SPIDR: variants seen among roughly 807,000 people sequenced by gnomAD.
SPIDR encodes DNA repair-scaffolding protein.
Under a neutral mutation model 104.6 loss-of-function variants are expected in SPIDR, and 93 were observed. That is an observed-to-expected ratio of 0.89 (90% CI 0.75 to 1.06). The LOEUF is 1.06. Among genes scored for constraint, SPIDR ranks in the 50% least tolerant of loss-of-function variants. The probability of loss-of-function intolerance (pLI) is 0.00; values close to 1 mark genes in which losing one functional copy is unlikely to be tolerated. For synonymous variants in SPIDR, 431 were observed against 416.9 expected, an observed-to-expected ratio of 1.03 and a Z score of -0.41; for missense variants, 1,154 against 1,111.2, an observed-to-expected ratio of 1.04 and a Z score of -0.55.
At chr8:47,614,704 G>A (rs557471712) in intron 10 of SPIDR, among the ~76,000 whole-genome samples, 1 of 152,022 alleles carries the variant, frequency 6.6e-6, no homozygotes, top group Non-Finnish European at 1.5e-5. Flanking sequence ...TATTCCTTTG[G>A]GTGTATACCC....
chr8:47,522,599 G>T (rs554560999), intron 8 of SPIDR, among the ~76,000 whole-genome samples: 2 of 152,242 alleles, frequency 1.3e-5, no homozygotes, highest in South Asian at 4.1e-4. Flanking sequence ...GTTGGTTAGG[G>T]TTCAAATGTG....
intron 1 of SPIDR, among the ~76,000 whole-genome samples, chr8:47,268,271 A>T (rs1358142031): frequency 6.6e-6 from 1 of 152,064 alleles, no homozygotes; most frequent in Non-Finnish European, 1.5e-5. Flanking sequence ...TAGAAGTGTG[A>T]GTTTCTGACT....
chr8:47,306,672 T>C (rs2043144276), intron 5 of SPIDR, among the ~76,000 whole-genome samples: 1 of 152,224 alleles, frequency 6.6e-6, no homozygotes, highest in African/African-American at 2.4e-5. Flanking sequence ...GGTTATTCTA[T>C]CCACTATTGA....
chr8:47,507,373 C>A (rs1395934786), intron 8 of SPIDR, among the ~76,000 whole-genome samples: 1 of 152,244 alleles, frequency 6.6e-6, no homozygotes, highest in Non-Finnish European at 1.5e-5. Context: ...TCTGGGCAGA[C>A]TGGACCCAAG....
At chr8:47,655,468 A>C (rs1588883109) in intron 10 of SPIDR, among the ~76,000 whole-genome samples, 1 of 152,314 alleles carries the variant, frequency 6.6e-6, no homozygotes, top group South Asian at 2.1e-4. Flanking sequence ...TATTTCTCTG[A>C]TGGCCAGTGA....
intron 5 of SPIDR, among the ~76,000 whole-genome samples, chr8:47,346,445 C>T (rs1203209844): frequency 7.9e-5 from 12 of 152,158 alleles, no homozygotes; most frequent in Non-Finnish European, 1.6e-4. Context: ...TGATGTGTCT[C>T]TGCCAGGCTT....
At chr8:47,298,019 T>C (rs1329493369) in intron 5 of SPIDR, among the ~76,000 whole-genome samples, 1 of 152,226 alleles carries the variant, frequency 6.6e-6, no homozygotes, top group Non-Finnish European at 1.5e-5. Context: ...TCTAGATCCC[T>C]GAGGAATCGC....
chr8:47,353,246 T>C (rs2053900526), intron 5 of SPIDR, among the ~76,000 whole-genome samples: 1 of 152,170 alleles, frequency 6.6e-6, no homozygotes, highest in Non-Finnish European at 1.5e-5. Context: ...CGCCAGATTG[T>C]ATTTTACTTA....
intron 7 of SPIDR, among the ~76,000 whole-genome samples, chr8:47,433,776 G>C (rs1336743362): frequency 1.3e-5 from 2 of 152,202 alleles, no homozygotes; most frequent in Non-Finnish European, 2.9e-5. Context: ...CTTGGAGTCA[G>C]ACTATGGCTG....
chr8:47,267,125 T>A (rs1291042933), intron 1 of SPIDR, among the ~76,000 whole-genome samples: 4 of 152,212 alleles, frequency 2.6e-5, no homozygotes, highest in Non-Finnish European at 5.9e-5. Flanking sequence ...AAAATCCATT[T>A]ATTAGTTGAT....
chr8:47,633,036 G>A (rs996229464), intron 10 of SPIDR, among the ~76,000 whole-genome samples: 1 of 152,198 alleles, frequency 6.6e-6, no homozygotes, highest in African/African-American at 2.4e-5. Context: ...TCTGTGCTCA[G>A]TAGAACAGTG....
chr8:47,588,026 C>CATAT (rs71548440), intron 8 of SPIDR, among the ~76,000 whole-genome samples: 3 of 23,428 alleles, frequency 1.3e-4, no homozygotes, highest in African/African-American at 2.2e-4. Context: ...TTAAAATTAG[C>CATAT]ATATATATAT....
intron 6 of SPIDR, among the ~76,000 whole-genome samples, chr8:47,401,893 G>C (rs556425510): frequency 1.3e-5 from 2 of 152,068 alleles, no homozygotes; most frequent in Non-Finnish European, 2.9e-5. Flanking sequence ...TGGGAGACTT[G>C]TACACCCCAC....
At chr8:47,362,167 G>A (rs1342620900) in intron 5 of SPIDR, among the ~76,000 whole-genome samples, 1 of 152,248 alleles carries the variant, frequency 6.6e-6, no homozygotes, top group Non-Finnish European at 1.5e-5. Context: ...GGTCAGCTCA[G>A]TGGAGGCCAG....
intron 8 of SPIDR, among the ~76,000 whole-genome samples, chr8:47,566,683 A>G (rs1034389180): frequency 2.0e-5 from 3 of 152,130 alleles, no homozygotes; most frequent in Non-Finnish European, 4.4e-5. Flanking sequence ...GACATTTACT[A>G]TAGTTTGAGC....
chr8:47,391,722 C>T (rs1324599098), intron 5 of SPIDR, among the ~76,000 whole-genome samples: 3 of 151,756 alleles, frequency 2.0e-5, no homozygotes, highest in African/African-American at 4.8e-5. Flanking sequence ...AAAGGCCGGG[C>T]GTGGTGGCTC....
intron 16 of SPIDR, among the ~76,000 whole-genome samples, chr8:47,722,429 C>T (rs769366547): frequency 1.2e-4 from 18 of 152,180 alleles, no homozygotes; most frequent in Non-Finnish European, 1.8e-4. Flanking sequence ...AACATCCTTG[C>T]CCTGTTCTTA....
At chr8:47,630,922 A>G (rs1009461900) in intron 10 of SPIDR, among the ~76,000 whole-genome samples, 4 of 152,204 alleles carry the variant, frequency 2.6e-5, no homozygotes, top group African/African-American at 9.6e-5. Context: ...CAGAAGGCAC[A>G]GTACCCCTGT....
intron 5 of SPIDR, among the ~76,000 whole-genome samples, chr8:47,306,092 T>C (rs2043045531): frequency 6.6e-6 from 1 of 152,206 alleles, no homozygotes; most frequent in Non-Finnish European, 1.5e-5. Context: ...CTGTGACTGG[T>C]TTATTTCACT....
Sources: gnomAD v4.1 joint callset for allele counts (sites outside exome capture counted in the v4.1 genomes callset) on GRCh38, gnomAD v4.1.1 for gene constraint, MANE v1.5 for transcripts, NCBI Gene and HGNC (gene_info 2026-07-23, HGNC 2026-07-21) for gene names.